Variants in LRRC53 observed in about 807,000 individuals in gnomAD.
LRRC53 encodes leucine-rich repeat-containing protein 53.
In LRRC53, 25 loss-of-function variants were observed where a neutral mutation model predicts 13.6. The observed-to-expected ratio is 1.83, with a 90% confidence interval of 1.34 to 2.56. LRRC53 has a LOEUF of 2.56. Among genes scored for constraint, LRRC53 ranks in the 30% most tolerant of loss-of-function variants. The probability of loss-of-function intolerance (pLI) is 0.00; values close to 1 mark genes in which losing one functional copy is unlikely to be tolerated. For missense variants in LRRC53, 527 were observed against 275.8 expected (o/e 1.91, Z -6.45); for synonymous variants, 204 against 109.8 (o/e 1.86, Z -5.37).
chr1:74,527,622 C>T, the LRRC53 span, among the ~76,000 whole-genome samples: 1 of 152,144 alleles, frequency 6.6e-6, no homozygotes, highest in East Asian at 1.9e-4. Flanking sequence ...GAGGCCAGGT[C>T]ATGAGGGCTT....
rs778191699 is a variant in LRRC53, at chr1:74,480,163, A to G, written c.894T>C (p.Leu298=). ...PGPDVALLTV[L]GFAGAVGLTC... is the part of the protein sequence containing the mutation. Reference sequence around the variant, plus strand: ...TTCTCCCCGGCATACCTGCGAAGCCAAGGACAGTCAGCAGGGCCACATCTG... The same window carrying G: ...TTCTCCCCGGCATACCTGCGAAGCCGAGGACAGTCAGCAGGGCCACATCTG... Residue 298 remains leucine, a synonymous_variant, in exon 3 of 5, where the codon CTT becomes CTC. Transcript: ENST00000294635. 2 of 716,534 alleles carry G rather than the reference A, an allele frequency of 2.8e-6. No homozygotes were observed. The highest frequency in any genetic ancestry group is 3.0e-5 in the South Asian group (2 of 67,512). The allele number at this position is 716,534 out of a possible 1,614,324, so 44.4% of individuals were successfully genotyped here.
the LRRC53 span, among the ~76,000 whole-genome samples, chr1:74,522,032 A>C: frequency 6.6e-6 from 1 of 152,206 alleles, no homozygotes; most frequent in Non-Finnish European, 1.5e-5. Flanking sequence ...CATCCCTTCC[A>C]GTGATAGATG....
chr1:74,504,789 G>T (rs111762520), intron 1 of LRRC53, among the ~76,000 whole-genome samples: 1 of 152,044 alleles, frequency 6.6e-6, no homozygotes, highest in African/African-American at 2.4e-5. Flanking sequence ...CTGTAATTTC[G>T]TGTTCTTTTC....
chr1:74,473,846 CAAAGAT>C (rs1261812229), intron 4 of LRRC53, among the ~76,000 whole-genome samples: 2 of 152,182 alleles, frequency 1.3e-5, no homozygotes, highest in Non-Finnish European at 2.9e-5. Context: ...TTCTGTGACT[CAAAGAT>C]AAACATTAAG....
chr1:74,501,891 C>T (rs1389304786), intron 1 of LRRC53, among the ~76,000 whole-genome samples: 1 of 151,490 alleles, frequency 6.6e-6, no homozygotes, highest in Non-Finnish European at 1.5e-5. Context: ...TATATATATA[C>T]ATTTTCTTTT....
the LRRC53 span, among the ~76,000 whole-genome samples, chr1:74,526,719 A>G: frequency 2.0e-5 from 3 of 152,216 alleles, no homozygotes; most frequent in Non-Finnish European, 4.4e-5. Flanking sequence ...TGAAAATCTA[A>G]GATGAATGGA....
chr1:74,471,625 T>C lies in LRRC53; in HGVS notation c.1997A>G (p.Asn666Ser), dbSNP rs1667936063. 1 of 400,692 alleles carries C rather than the reference T, an allele frequency of 2.5e-6. No individual in the cohort carries two copies. The highest frequency in any genetic ancestry group is 1.3e-4 in the South Asian group (1 of 7,966). The allele number at this position is 400,692 out of a possible 1,614,324, so 24.8% of individuals were successfully genotyped here. The change falls in exon 5 of 5, where the codon AAT (asparagine) becomes AGT (serine). Residue 666 changes from asparagine to serine, a missense_variant. By Grantham distance (46) the Asn-to-Ser change is conservative. Transcript: ENST00000294635. Reference sequence around the variant, plus strand: ...CAACTTAGTCAGTTGGTTACTTTGATTTTTCTGTCGTTTCCAAGGGGTTGA... The same window carrying C: ...CAACTTAGTCAGTTGGTTACTTTGACTTTTCTGTCGTTTCCAAGGGGTTGA... ...KISTPWKRQK[N>S]QSNQLTKLDV...
chr1:74,519,663 TA>T, the LRRC53 span, among the ~76,000 whole-genome samples: 3 of 152,218 alleles, frequency 2.0e-5, no homozygotes, highest in African/African-American at 7.2e-5. Flanking sequence ...ATCTTTTTTA[TA>T]AAGTAAATAG....
At chr1:74,499,587 C>G (rs943720942) in intron 1 of LRRC53, among the ~76,000 whole-genome samples, 4 of 151,530 alleles carry the variant, frequency 2.6e-5, no homozygotes, top group African/African-American at 9.8e-5. Flanking sequence ...AGTAATATCT[C>G]CAGTTTCAGG....
At chr1:74,477,516 GA>G (rs1227351806) in intron 3 of LRRC53, among the ~76,000 whole-genome samples, 1 of 152,126 alleles carries the variant, frequency 6.6e-6, no homozygotes, top group East Asian at 1.9e-4. Context: ...TATTTTAAAT[GA>G]CTAGTGCAGT....
chr1:74,489,769 T>C (rs1668957618), intron 1 of LRRC53, among the ~76,000 whole-genome samples: 1 of 152,172 alleles, frequency 6.6e-6, no homozygotes, highest in African/African-American at 2.4e-5. Context: ...CTGTTTGCTT[T>C]AAGTTTCTCT....
upstream of LRRC53, among the ~76,000 whole-genome samples, chr1:74,513,113 G>T (rs553427830): frequency 1.4e-4 from 21 of 152,354 alleles, no homozygotes; most frequent in East Asian, 3.9e-3. Flanking sequence ...CACACAGCTT[G>T]CTCAGTCGAT....
intron 1 of LRRC53, among the ~76,000 whole-genome samples, chr1:74,508,388 A>G (rs1424182633): frequency 6.6e-6 from 1 of 152,254 alleles, no homozygotes; most frequent in Non-Finnish European, 1.5e-5. Context: ...AATCTTCATA[A>G]AAATAAAGAA....
At chr1:74,491,828 A>C (rs1354218021) in intron 1 of LRRC53, among the ~76,000 whole-genome samples, 1 of 152,156 alleles carries the variant, frequency 6.6e-6, no homozygotes, top group Non-Finnish European at 1.5e-5. Context: ...ATATTTTATG[A>C]ATCTGAGTTG....
the LRRC53 span, among the ~76,000 whole-genome samples, chr1:74,535,852 C>G: frequency 1.4e-4 from 21 of 152,238 alleles, no homozygotes; most frequent in African/African-American, 4.6e-4. Flanking sequence ...ACAGATCTCC[C>G]CTTCTTACTT....
chr1:74,485,537 C>T (rs1298250621), intron 1 of LRRC53, among the ~76,000 whole-genome samples: 2 of 152,120 alleles, frequency 1.3e-5, no homozygotes, highest in Non-Finnish European at 2.9e-5. Context: ...CCCTGGTGTA[C>T]ATGCCATGTA....
At chr1:74,521,774 G>A in the LRRC53 span, among the ~76,000 whole-genome samples, 1 of 152,130 alleles carries the variant, frequency 6.6e-6, no homozygotes, top group African/African-American at 2.4e-5. Context: ...ATACATGAAT[G>A]AATAAATGGG....
intron 1 of LRRC53, among the ~76,000 whole-genome samples, chr1:74,504,646 AT>A (rs746816449): frequency 2.7e-4 from 41 of 152,124 alleles, no homozygotes; most frequent in Non-Finnish European, 5.7e-4. Flanking sequence ...TTTAAAAAAA[AT>A]TTAAGTACCT....
chr1:74,532,580 T>C, the LRRC53 span, among the ~76,000 whole-genome samples: 1 of 151,960 alleles, frequency 6.6e-6, no homozygotes, highest in Non-Finnish European at 1.5e-5. Context: ...ACCCAATAAC[T>C]CGTCATTTAG....
Sources: allele counts gnomAD v4.1 joint callset (sites outside exome capture counted in the v4.1 genomes callset), GRCh38; gene constraint gnomAD v4.1.1; transcripts MANE v1.5; gene names NCBI Gene and HGNC (gene_info 2026-07-23, HGNC 2026-07-21).